KCNIP4: variants seen among roughly 807,000 people sequenced by gnomAD.
KCNIP4 encodes Kv channel-interacting protein 4.
Under a neutral mutation model 34.0 loss-of-function variants are expected in KCNIP4, and 12 were observed. The ratio of observed to expected loss-of-function variants is 0.35; its 90% CI spans 0.23 to 0.57. KCNIP4 has a LOEUF of 0.57. Ranked by LOEUF, KCNIP4 falls within the 20% of genes least tolerant of loss-of-function variation. The pLI, the probability that KCNIP4 is intolerant of heterozygous loss-of-function variation, is 0.83. For missense variants in KCNIP4, 238 were observed against 311.7 expected (o/e 0.76, Z 1.78); for synonymous variants, 124 against 102.2 (o/e 1.21, Z -1.29).
intron 1 of KCNIP4, among the ~76,000 whole-genome samples, chr4:21,018,028 G>A (rs1739708682): frequency 6.6e-6 from 1 of 152,118 alleles, no homozygotes; most frequent in Non-Finnish European, 1.5e-5. Flanking sequence ...ACTCACGGAT[G>A]TACCACCTAA....
At chr4:21,005,138 A>G (rs73245212) in intron 1 of KCNIP4, among the ~76,000 whole-genome samples, 4,377 of 152,296 alleles carry the variant, frequency 0.029, 97 homozygotes, top group Non-Finnish European at 0.045. Flanking sequence ...GGTTCCTTGT[A>G]AAAACAAACA....
At chr4:21,245,754 G>C in intron 1 of KCNIP4, among the ~76,000 whole-genome samples, 1 of 152,174 alleles carries the variant, frequency 6.6e-6, no homozygotes, top group Non-Finnish European at 1.5e-5. Flanking sequence ...CCAGGTGACC[G>C]TGCAAATCCT....
chr4:20,916,692 C>T (rs945337884), intron 1 of KCNIP4, among the ~76,000 whole-genome samples: 4 of 151,846 alleles, frequency 2.6e-5, no homozygotes, highest in Non-Finnish European at 5.9e-5. Context: ...CTTTTTCCCT[C>T]CCCCGGGCAG....
At chr4:20,863,503 C>T (rs1449709491) in intron 2 of KCNIP4, among the ~76,000 whole-genome samples, 2 of 152,186 alleles carry the variant, frequency 1.3e-5, no homozygotes, top group African/African-American at 4.8e-5. Flanking sequence ...ACTATAATTT[C>T]CAATCTTGTG....
At chr4:21,101,253 C>T (rs1312530011) in intron 1 of KCNIP4, among the ~76,000 whole-genome samples, 1 of 152,104 alleles carries the variant, frequency 6.6e-6, no homozygotes, top group Non-Finnish European at 1.5e-5. Context: ...ATAATGGCCT[C>T]CAGGTCTCTC....
chr4:21,889,870 C>T (rs905696693), intron 1 of KCNIP4, among the ~76,000 whole-genome samples: 4 of 152,116 alleles, frequency 2.6e-5, no homozygotes, highest in African/African-American at 4.8e-5. Context: ...CGTGTTTCCA[C>T]GTTTGATTCA....
At chr4:20,973,463 C>T (rs1735171492) in intron 1 of KCNIP4, among the ~76,000 whole-genome samples, 1 of 152,272 alleles carries the variant, frequency 6.6e-6, no homozygotes, top group Non-Finnish European at 1.5e-5. Context: ...ATATTCTATT[C>T]AGATCCCTAA....
At chr4:20,775,304 T>TA (rs1756279934) in intron 3 of KCNIP4, among the ~76,000 whole-genome samples, 1 of 152,184 alleles carries the variant, frequency 6.6e-6, no homozygotes, top group African/African-American at 2.4e-5. Flanking sequence ...GCACACAGAA[T>TA]AAACTCACAT....
At chr4:21,343,856 T>C (rs955670778) in intron 1 of KCNIP4, among the ~76,000 whole-genome samples, 8 of 152,222 alleles carry the variant, frequency 5.3e-5, no homozygotes, top group Admixed American at 4.6e-4. Flanking sequence ...TCCAAGGGCT[T>C]TCTCTGTTCT....
intron 1 of KCNIP4, among the ~76,000 whole-genome samples, chr4:21,099,433 G>T (rs979832250): frequency 6.6e-6 from 1 of 152,022 alleles, no homozygotes; most frequent in Admixed American, 6.6e-5. Context: ...GGACACATCG[G>T]GGGGAACAAC....
At chr4:20,978,531 G>T (rs971194268) in intron 1 of KCNIP4, among the ~76,000 whole-genome samples, 1 of 152,162 alleles carries the variant, frequency 6.6e-6, no homozygotes, top group African/African-American at 2.4e-5. Context: ...GGAATTTCAC[G>T]TGGTGTATCA....
intron 1 of KCNIP4, among the ~76,000 whole-genome samples, chr4:21,429,552 A>G (rs1726252821): frequency 6.6e-6 from 1 of 152,174 alleles, no homozygotes; most frequent in African/African-American, 2.4e-5. Flanking sequence ...TTTGATAGGA[A>G]GCTGCCCAAC....
chr4:21,044,659 C>A (rs1362343653), intron 1 of KCNIP4, among the ~76,000 whole-genome samples: 1 of 152,170 alleles, frequency 6.6e-6, no homozygotes, highest in Non-Finnish European at 1.5e-5. Flanking sequence ...GCTTCCAGAG[C>A]AAGAAGTCCA....
At chr4:21,130,978 T>C (rs943269403) in intron 1 of KCNIP4, among the ~76,000 whole-genome samples, 1 of 152,218 alleles carries the variant, frequency 6.6e-6, no homozygotes, top group African/African-American at 2.4e-5. Context: ...TAAGTCCAGA[T>C]GCTCCTTGAC....
intron 1 of KCNIP4, chr4:21,846,000 T>C (rs562244048): frequency 1.3e-5 from 2 of 152,240 alleles, no homozygotes; most frequent in Non-Finnish European, 2.9e-5. Context: ...TGTTTTGTTT[T>C]TACTGCTAAA....
chr4:21,483,822 A>G, intron 1 of KCNIP4, among the ~76,000 whole-genome samples: 1 of 80,846 alleles, frequency 1.2e-5, no homozygotes, highest in East Asian at 3.3e-4. Context: ...ATAAAAATAA[A>G]AATAAAAATG....
At chr4:21,640,109 C>G (rs544017635) in intron 1 of KCNIP4, among the ~76,000 whole-genome samples, 2 of 152,288 alleles carry the variant, frequency 1.3e-5, no homozygotes, top group South Asian at 4.1e-4. Flanking sequence ...GCATTCCCAT[C>G]CATTTAACTT....
intron 1 of KCNIP4, among the ~76,000 whole-genome samples, chr4:21,775,397 G>C (rs1248727144): frequency 1.3e-5 from 2 of 152,166 alleles, no homozygotes; most frequent in Admixed American, 1.3e-4. Context: ...GATTGTTCCT[G>C]TATAGGGTAT....
intron 1 of KCNIP4, among the ~76,000 whole-genome samples, chr4:21,382,254 C>T (rs983120070): frequency 4.6e-5 from 7 of 152,122 alleles, no homozygotes; most frequent in African/African-American, 1.4e-4. Context: ...TAAACAGGAA[C>T]ATTCAGGACA....
Sources: gnomAD v4.1 joint callset for allele counts (sites outside exome capture counted in the v4.1 genomes callset) on GRCh38, gnomAD v4.1.1 for gene constraint, MANE v1.5 for transcripts, NCBI Gene and HGNC (gene_info 2026-07-23, HGNC 2026-07-21) for gene names.